Variants in DVL1 observed in about 807,000 individuals in gnomAD.
DVL1 encodes segment polarity protein dishevelled homolog DVL-1.
In DVL1, 49 loss-of-function variants were observed where a neutral mutation model predicts 65.0. The ratio of observed to expected loss-of-function variants is 0.75; its 90% CI spans 0.60 to 0.96. DVL1 has a LOEUF of 0.96. Among genes scored for constraint, DVL1 ranks in the 40% least tolerant of loss-of-function variants. The pLI is 0.00. For synonymous variants in DVL1, 608 were observed against 433.9 expected, an observed-to-expected ratio of 1.40 and a Z score of -4.99; for missense variants, 1,197 against 1,045.4, an observed-to-expected ratio of 1.15 and a Z score of -2.00.
Position 1,348,970 on chromosome 1 carries a change from G to C in DVL1, c.96C>G (p.Asp32Glu). ...PVAPERVTLA[D>E]FKNVLSNRPV... ...GCCGGTTGCTGAGCACGTTCTTGAA[G>C]TCGGCCAGCGTGACGCGCTCGGGGG... The change falls in exon 1 of 15, where the codon GAC (aspartate) becomes GAG (glutamate). Residue 32 changes from aspartate (D) to glutamate (E), a missense_variant. By Grantham distance (45) the Asp-to-Glu change is conservative (BLOSUM62 2). Coordinates refer to ENST00000378888, the MANE Select transcript of DVL1 (RefSeq NM_001330311.2). 6.3e-7 allele frequency: 1 copy of C among 1,575,974 alleles called. No individual in the cohort carries two copies. Among genetic ancestry groups the C allele is most frequent in the Non-Finnish European group, 8.6e-7 (1 of 1,158,312 alleles).
rs1468345213 is a variant in DVL1 at position 1,339,583 on chromosome 1, C to G, written c.1053G>C (p.Arg351=). Residue 351 remains arginine (R), a splice_region_variant and synonymous_variant, in exon 10 of 15, where the codon CGG becomes CGC. Coordinates refer to ENST00000378888, the MANE Select transcript of DVL1 (RefSeq NM_001330311.2). The part of the protein sequence containing the change: ...PTPRSYFTVP[R]ADPVRPIDPA... Reference sequence around the variant, plus strand: ...CCGTGTGCCCCGAGGGCCACTCACCCCGTGGGACGGTGAAGTAGCTTCGGG... The same window carrying G: ...CCGTGTGCCCCGAGGGCCACTCACCGCGTGGGACGGTGAAGTAGCTTCGGG... 1.2e-6 allele frequency: 2 copies of G among 1,606,152 alleles called. No individual in the cohort carries two copies. Among genetic ancestry groups the G allele is most frequent in the South Asian group, 1.1e-5 (1 of 90,254 alleles).
rs1356001221 is a variant in DVL1, at chr1:1,336,193, G to A, written c.2037C>T (p.Ser679=). ...AGGGGTTCCCCATAGCCTTCTGGAAGGACTGGCGGCTGCCTGTCAATTCCG... is the reference window on the plus strand; with the variant it reads ...AGGGGTTCCCCATAGCCTTCTGGAAAGACTGGCGGCTGCCTGTCAATTCCG... ...VPPELTGSRQ[S]FQKAMGNPCE... The change falls in exon 15 of 15, where the codon TCC becomes TCT. Residue 679 remains serine, a synonymous_variant. Transcript: ENST00000378888. The A allele has an allele frequency of 1.3e-6, 2 of 1,568,180 alleles. No homozygotes were observed. Among genetic ancestry groups the A allele is most frequent in the Non-Finnish European group, 1.7e-6 (2 of 1,162,496 alleles).
In DVL1 at chr1:1,336,459, C is replaced by A; in HGVS notation, c.1771G>T (p.Glu591Ter). The A allele has an allele frequency of 6.4e-7, 1 of 1,567,950 alleles. No homozygotes were observed. The highest frequency in any genetic ancestry group is 1.2e-5 in the South Asian group (1 of 86,538). Residue 591 changes from glutamate to a stop codon, truncating the protein, a stop_gained, in exon 15 of 15, where the codon GAG becomes TAG. Coordinates refer to ENST00000378888, the MANE Select transcript of DVL1 (RefSeq NM_001330311.2). LOFTEE classifies it low-confidence loss of function (END_TRUNC). ...CCCCCAGCTCCCGCCGCCCGACGCTCCTTCTCACGGCCCGGGGCCCGGCGG... is the reference window on the plus strand; with the variant it reads ...CCCCCAGCTCCCGCCGCCCGACGCTACTTCTCACGGCCCGGGGCCCGGCGG... ...SSRRAPGREKERRAAGAGGSG... is the reference protein window; with the variant it reads ...SSRRAPGREK
chr1:1,348,545 C>T (rs929137154), intron 1 of DVL1, among the ~76,000 whole-genome samples: 37 of 152,244 alleles, frequency 2.4e-4, no homozygotes, highest in Admixed American at 1.1e-3. Context: ...TGCTTCCTTC[C>T]CACTGACACG....
intron 1 of DVL1, among the ~76,000 whole-genome samples, chr1:1,348,428 G>A (rs550239064): frequency 5.2e-4 from 79 of 152,342 alleles, no homozygotes; most frequent in African/African-American, 1.3e-3. Context: ...GCAGAAGGGG[G>A]CCAGGAGAAC....
At chr1:1,342,193 G>A in intron 3 of DVL1, 37 bp from the exon 4 acceptor site, 1 of 1,524,714 alleles carries the variant, frequency 6.6e-7, no homozygotes, top group Non-Finnish European at 8.8e-7. Flanking sequence ...GGAGGCCGTG[G>A]CCCCAGCCCC....
At chr1:1,342,268 C>T (rs1484732215) in intron 3 of DVL1, 95 bp downstream of exon 3, 15 of 1,495,258 alleles carry the variant, frequency 1.0e-5, no homozygotes, top group Middle Eastern at 2.1e-4. Context: ...GTGCCACGCC[C>T]GCCTACTGGC....
At position 1,339,303 on chromosome 1, in the gene DVL1, G is replaced by A. The variant is rs762717824; in HGVS notation, c.1191C>T (p.Ser397=). 21 of 1,548,458 alleles carry A rather than the reference G, an allele frequency of 1.4e-5. No individual in the cohort carries two copies. Among genetic ancestry groups the A allele is most frequent in the East Asian group, 2.4e-5 (1 of 40,926 alleles). ...GCCACTTACGTGGAGCACCAGGCAC[G>A]GAGCTGGTTAGTGAGGAGGAGCTGG... ...TRTSSSSLTS[S]VPGAPQLEEA... is the part of the protein sequence containing the mutation. Residue 397 remains serine (S), a synonymous_variant, in exon 11 of 15, where the codon TCC becomes TCT. Coordinates refer to ENST00000378888, the MANE Select transcript of DVL1 (RefSeq NM_001330311.2).
intron 3 of DVL1, 53 bp from the exon 4 acceptor site, chr1:1,342,209 T>A: frequency 1.3e-6 from 2 of 1,515,378 alleles, no homozygotes; most frequent in Non-Finnish European, 8.9e-7. Flanking sequence ...GCCCCTCAGA[T>A]GCCGCCCAGC....
At chr1:1,336,984 A>T (rs1384928414) in intron 14 of DVL1, 1 of 991,254 alleles carries the variant, frequency 1.0e-6, no homozygotes, top group Admixed American at 6.1e-5. Flanking sequence ...GGCTGGGGAC[A>T]TGCTGAGGGA....
chr1:1,347,983 G>C (rs1411478361), intron 1 of DVL1, among the ~76,000 whole-genome samples: 2 of 152,208 alleles, frequency 1.3e-5, no homozygotes, highest in African/African-American at 4.8e-5. Context: ...CAGAATCCAA[G>C]AAACAACCTT....
chr1:1,341,595 C>CACAT (rs2100746599), intron 5 of DVL1, 72 bp downstream of exon 5: 1 of 1,534,858 alleles, frequency 6.5e-7, no homozygotes, highest in Non-Finnish European at 8.8e-7. Context: ...CTCATGCAGA[C>CACAT]ACATGCACAT....
At position 1,340,364 on chromosome 1, in the gene DVL1, C is replaced by T. The variant is rs773292113; in HGVS notation, c.699+46G>A. ...GTAAAAGGCACGGGGCTGCCCGACACTGACTTCGCCTCCCCAGCCCCGCCC... is the reference window on the plus strand; with the variant it reads ...GTAAAAGGCACGGGGCTGCCCGACATTGACTTCGCCTCCCCAGCCCCGCCC... On this transcript the variant is annotated intron_variant, in intron 6 of 14. Transcript: ENST00000378888. The T allele has an allele frequency of 2.5e-6, 4 of 1,613,260 alleles. No individual in the cohort carries two copies. In the Admixed American group the frequency reaches 5.0e-5, roughly 20 times the overall value.
Position 1,342,165 on chromosome 1 carries a change from CAA to C in DVL1, c.363-11_363-10del. 1 of 1,554,154 alleles carries C rather than the reference CAA, an allele frequency of 6.4e-7. No individual in the cohort carries two copies. The highest frequency in any genetic ancestry group is 8.7e-7 in the Non-Finnish European group (1 of 1,148,714). On this transcript the variant is annotated splice_polypyrimidine_tract_variant and intron_variant, in intron 3 of 14. Transcript: ENST00000378888. ...TGCTGGCCACATTTGGGCTGTGCAA[CAA>C]GAGCAGGGTGGGTGGGGAGGCCGTG...
intron 11 of DVL1, 150 bp from the exon 12 acceptor site, chr1:1,338,803 T>C: frequency 7.8e-7 from 1 of 1,275,694 alleles, no homozygotes; most frequent in Non-Finnish European, 1.0e-6. Flanking sequence ...CACTGCAGGA[T>C]GCACCCCCGT....
At chr1:1,343,221 C>T (rs1184497578) in intron 1 of DVL1, among the ~76,000 whole-genome samples, 1 of 151,596 alleles carries the variant, frequency 6.6e-6, no homozygotes, top group East Asian at 1.9e-4. Context: ...ACGCTGTCTC[C>T]AACCACCCCC....
chr1:1,337,964 G>A lies in DVL1; in HGVS notation c.1714+13C>T. ...CGGAGCCGGGGAAGGGCAGGTAGGG[G>A]CGGCGTTCTCACCTTCACTCTGCTG... On this transcript the variant is annotated intron_variant, in intron 14 of 14. Transcript: ENST00000378888. The A allele has an allele frequency of 6.2e-7, 1 of 1,608,172 alleles. No individual in the cohort carries two copies. Among genetic ancestry groups the A allele is most frequent in the Non-Finnish European group, 8.5e-7 (1 of 1,177,668 alleles).
Position 1,349,009 on chromosome 1 carries a change from G to A in DVL1, c.57C>T (p.Val19=), listed in dbSNP as rs201519691. Residue 19 remains valine, a synonymous_variant, in exon 1 of 15, where the codon GTC becomes GTT. Coordinates refer to ENST00000378888, the MANE Select transcript of DVL1 (RefSeq NM_001330311.2). The surrounding 1 kb of genome is among the most constrained non-coding windows in gnomAD (Gnocchi z 4.1). Reference sequence around the variant, plus strand: ...CGCGCTCGGGGGCCACGGGCAGCTTGACCAGGTACGGCGTCTCCTCCTCGT... The same window carrying A: ...CGCGCTCGGGGGCCACGGGCAGCTTAACCAGGTACGGCGTCTCCTCCTCGT... The part of the protein sequence containing the change: ...HMDEEETPYL[V]KLPVAPERVT... 6 of 1,574,588 alleles carry A rather than the reference G, an allele frequency of 3.8e-6. No individual in the cohort carries two copies. The Admixed American group carries it at 5.2e-5, about 14-fold the overall frequency.
intron 9 of DVL1, 24 bp from the exon 10 acceptor site, chr1:1,339,673 C>T (rs201844508): frequency 1.7e-4 from 268 of 1,612,070 alleles, no homozygotes; most frequent in Non-Finnish European, 2.2e-4. Context: ...GGTCACACAG[C>T]AAGGCCCCCA....
Sources: allele counts gnomAD v4.1 joint callset (sites outside exome capture counted in the v4.1 genomes callset), GRCh38; gene constraint gnomAD v4.1.1; non-coding constraint Gnocchi (gnomAD v3.1); transcripts MANE v1.5; gene names NCBI Gene and HGNC (gene_info 2026-07-23, HGNC 2026-07-21).